FAM168A: variants seen among roughly 807,000 people sequenced by gnomAD.
FAM168A encodes protein FAM168A.
FAM168A carries 3 observed loss-of-function variants against 28.5 expected under a neutral mutation model. That is an observed-to-expected ratio of 0.11 (90% CI 0.05 to 0.27). The LOEUF is 0.27. Ranked by LOEUF, FAM168A falls within the 10% of genes least tolerant of loss-of-function variation. The pLI is 1.00. For missense variants in FAM168A, 222 were observed against 311.5 expected (o/e 0.71, Z 2.16); for synonymous variants, 122 against 124.2 (o/e 0.98, Z 0.12).
intron 1 of FAM168A, among the ~76,000 whole-genome samples, chr11:73,494,009 C>T (rs1224659169): frequency 6.6e-6 from 1 of 152,192 alleles, no homozygotes; most frequent in African/African-American, 2.4e-5. Flanking sequence ...CCCTCCTGGA[C>T]TATGAGCTCT....
intron 1 of FAM168A, among the ~76,000 whole-genome samples, chr11:73,517,909 C>CA (rs945880226): frequency 2.1e-4 from 32 of 150,574 alleles, no homozygotes; most frequent in African/African-American, 7.3e-4. Flanking sequence ...AATGTCTATT[C>CA]AAAAAAAAAG....
At chr11:73,581,185 G>A (rs1944240296) in intron 1 of FAM168A, among the ~76,000 whole-genome samples, 1 of 152,200 alleles carries the variant, frequency 6.6e-6, no homozygotes, top group African/African-American at 2.4e-5. Context: ...GGGTTTTATA[G>A]TGGCTTTCTG....
chr11:73,415,586 T>C (rs1440900973), intron 4 of FAM168A, among the ~76,000 whole-genome samples: 1 of 152,254 alleles, frequency 6.6e-6, no homozygotes, highest in Non-Finnish European at 1.5e-5. Context: ...CAGAAGACTT[T>C]CATGAGGAAA....
At chr11:73,506,688 T>C (rs753744043) in intron 1 of FAM168A, among the ~76,000 whole-genome samples, 1 of 152,180 alleles carries the variant, frequency 6.6e-6, no homozygotes, top group African/African-American at 2.4e-5. Flanking sequence ...CTCTATAGCA[T>C]ACTATGTTAA....
intron 1 of FAM168A, among the ~76,000 whole-genome samples, chr11:73,590,065 T>C (rs909337468): frequency 2.6e-5 from 4 of 152,172 alleles, no homozygotes; most frequent in African/African-American, 9.7e-5. Context: ...AAAATATTAT[T>C]CTAATTTTTT....
chr11:73,465,176 C>A (rs187573115), intron 2 of FAM168A, among the ~76,000 whole-genome samples: 125 of 150,568 alleles, frequency 8.3e-4, no homozygotes, highest in African/African-American at 2.8e-3. Context: ...GATTACTCAA[C>A]CAAAGTTCCA....
intron 2 of FAM168A, among the ~76,000 whole-genome samples, chr11:73,465,585 G>T (rs1867722749): frequency 6.6e-6 from 1 of 152,186 alleles, no homozygotes; most frequent in Admixed American, 6.5e-5. Flanking sequence ...GCATGGTCAT[G>T]CTGTGTTGTT....
intron 1 of FAM168A, among the ~76,000 whole-genome samples, chr11:73,592,544 C>T (rs1359444417): frequency 1.3e-5 from 2 of 152,086 alleles, no homozygotes; most frequent in Non-Finnish European, 2.9e-5. Context: ...CCGCCCATGG[C>T]CTATTTTTGT....
At chr11:73,430,027 C>T (rs1362292080) in intron 3 of FAM168A, 1 of 152,534 alleles carries the variant, frequency 6.6e-6, no homozygotes, top group African/African-American at 2.4e-5. Flanking sequence ...AGCCCATACT[C>T]TTTCTCCTGC....
chr11:73,584,086 G>A (rs967576818), intron 1 of FAM168A, among the ~76,000 whole-genome samples: 3 of 152,050 alleles, frequency 2.0e-5, no homozygotes, highest in African/African-American at 7.2e-5. Flanking sequence ...TTGCTTCTGG[G>A]GCAGGGGATT....
intron 1 of FAM168A, among the ~76,000 whole-genome samples, chr11:73,532,104 T>C (rs1943521508): frequency 1.3e-5 from 2 of 151,592 alleles, no homozygotes; most frequent in Admixed American, 6.6e-5. Flanking sequence ...TGAGCCACCA[T>C]GCCTGGCCCC....
chr11:73,429,960 C>A (rs2134509507), intron 3 of FAM168A, among the ~76,000 whole-genome samples: 1 of 152,290 alleles, frequency 6.6e-6, no homozygotes, highest in South Asian at 2.1e-4. Context: ...TTGCCCAAGG[C>A]CTTACAACTA....
At chr11:73,526,949 G>A (rs567901182) in intron 1 of FAM168A, among the ~76,000 whole-genome samples, 20 of 151,040 alleles carry the variant, frequency 1.3e-4, no homozygotes, top group Non-Finnish European at 2.7e-4. Context: ...CAGAGTCTCT[G>A]GCTTGAAAAG....
At chr11:73,544,438 A>ATGAG (rs763841628) in intron 1 of FAM168A, among the ~76,000 whole-genome samples, 4 of 151,920 alleles carry the variant, frequency 2.6e-5, no homozygotes, top group Non-Finnish European at 4.4e-5. Flanking sequence ...ATGTATACCC[A>ATGAG]AGAGAAATAA....
intron 1 of FAM168A, among the ~76,000 whole-genome samples, chr11:73,520,508 T>A (rs1372736534): frequency 6.6e-6 from 1 of 152,112 alleles, no homozygotes; most frequent in Admixed American, 6.6e-5. Flanking sequence ...AAGGAACATA[T>A]GGTTTGAAGG....
intron 4 of FAM168A, among the ~76,000 whole-genome samples, chr11:73,418,662 G>A (rs969444840): frequency 3.9e-5 from 6 of 152,190 alleles, no homozygotes; most frequent in Non-Finnish European, 7.3e-5. Context: ...GCCTTGCCTG[G>A]AATATCCCTT....
At chr11:73,542,887 GAAC>G (rs878995651) in intron 1 of FAM168A, among the ~76,000 whole-genome samples, 6 of 152,132 alleles carry the variant, frequency 3.9e-5, no homozygotes, top group Admixed American at 3.9e-4. Flanking sequence ...CGCTTAAGCT[GAAC>G]AACGGGAAAA....
At chr11:73,449,462 T>C (rs1014677212) in intron 2 of FAM168A, among the ~76,000 whole-genome samples, 4 of 152,186 alleles carry the variant, frequency 2.6e-5, no homozygotes, top group Non-Finnish European at 4.4e-5. Flanking sequence ...TATAATAATA[T>C]GAATCACTCG....
rs939590788 is a variant in FAM168A at position 73,401,123 on chromosome 11, T to C, written c.*5640A>G. On this transcript the variant is annotated 3_prime_UTR_variant, in exon 8 of 8. Transcript: ENST00000356467. ...ATTATTATTATTATTTTAAATTTTA[T>C]TTCTTTTTAAAATGTGAGTTCCAAT... is the stretch of plus-strand genomic sequence containing the variant. 6.7e-6 allele frequency: 1 copy of C among 149,898 alleles called. No individual in the cohort carries two copies. Among genetic ancestry groups the C allele is most frequent in the Admixed American group, 6.6e-5 (1 of 15,068 alleles). 9.3% of individuals were successfully genotyped at this position (149,898 alleles called of 1,614,324 possible). A position where few individuals can be genotyped will look rare whatever the true frequency, so the allele number is the denominator to read the frequency against.
Sources: allele counts gnomAD v4.1 joint callset (sites outside exome capture counted in the v4.1 genomes callset), GRCh38; gene constraint gnomAD v4.1.1; transcripts MANE v1.5; gene names NCBI Gene and HGNC (gene_info 2026-07-23, HGNC 2026-07-21).